The following ZBBX variants were observed in gnomAD, a reference collection of about 807,000 sequenced individuals.
ZBBX encodes the protein zinc finger B-box domain-containing protein 1.
In ZBBX, 101 loss-of-function variants were observed where a neutral mutation model predicts 108.5. The ratio of observed to expected loss-of-function variants is 0.93; its 90% CI spans 0.79 to 1.10. The LOEUF is 1.10. Ranked by LOEUF, ZBBX falls within the 50% of genes least tolerant of loss-of-function variation. The probability of loss-of-function intolerance (pLI) is 0.00; values close to 1 mark genes in which losing one functional copy is unlikely to be tolerated. For missense variants in ZBBX, 1,009 were observed against 941.4 expected, an observed-to-expected ratio of 1.07 and a Z score of -0.94; for synonymous variants, 356 against 323.4, an observed-to-expected ratio of 1.10 and a Z score of -1.08.
intron 11 of ZBBX, among the ~76,000 whole-genome samples, chr3:167,323,667 T>C (rs1277263859): frequency 6.6e-6 from 1 of 152,144 alleles, no homozygotes; most frequent in East Asian, 1.9e-4. Context: ...GGCTACATTG[T>C]ATAAGAATGT....
chr3:167,246,772 TA>T (rs2108333398), intron 20 of ZBBX, among the ~76,000 whole-genome samples: 2 of 152,342 alleles, frequency 1.3e-5, no homozygotes, highest in African/African-American at 4.8e-5. Context: ...AAAGTGTCTT[TA>T]TAAGTAAGTT....
rs1732029509 is a variant in ZBBX at position 167,298,349 on chromosome 3, T to TGA, written c.1833_1834dup (p.His612LeufsTer4). On this transcript the variant is annotated frameshift_variant, in exon 18 of 22. Transcript: ENST00000675490. LOFTEE classifies it high-confidence loss of function. The stretch of plus-strand genomic sequence containing the variant: ...ACTGGAATTGTTGCATTCTAAACGA[T>TGA]GAGAAGGAAGTAAGTTGAGTCTTTC... The TGA allele has an allele frequency of 4.4e-6, 7 of 1,600,148 alleles. No homozygotes were observed. The highest frequency in any genetic ancestry group is 6.0e-6 in the Non-Finnish European group (7 of 1,173,958).
intron 1 of ZBBX, among the ~76,000 whole-genome samples, chr3:167,396,324 C>A (rs959787345): frequency 2.0e-5 from 3 of 151,866 alleles, no homozygotes; most frequent in Admixed American, 6.6e-5. Context: ...AGTTGTAAGC[C>A]TGAGTGATTG....
At chr3:167,294,814 T>C (rs1731336836) in intron 18 of ZBBX, among the ~76,000 whole-genome samples, 1 of 152,068 alleles carries the variant, frequency 6.6e-6, no homozygotes, top group Non-Finnish European at 1.5e-5. Flanking sequence ...AGGGCTAATA[T>C]TCAGAATCTA....
intron 10 of ZBBX, among the ~76,000 whole-genome samples, chr3:167,329,709 G>T (rs1036927127): frequency 3.9e-5 from 6 of 152,164 alleles, no homozygotes; most frequent in Non-Finnish European, 8.8e-5. Flanking sequence ...AGTTTGCATT[G>T]ATGTAGCAAA....
chr3:167,337,271 A>G (rs910863827), intron 9 of ZBBX, among the ~76,000 whole-genome samples: 4 of 152,154 alleles, frequency 2.6e-5, no homozygotes, highest in Admixed American at 2.6e-4. Context: ...TAATTCGAAC[A>G]CTTTGTGAGG....
At position 167,331,606 on chromosome 3, in the gene ZBBX, G is replaced by T. The variant is rs942832082; in HGVS notation, c.687+2221C>A. On this transcript the variant is annotated intron_variant, in intron 10 of 21. Coordinates refer to ENST00000675490, the MANE Select transcript of ZBBX (RefSeq NM_001199201.2). ...TGTGGCAGGGTAGAAAAAGCTGGAG[G>T]GTTGTACATTAGCTCTTAAACGTTT... 5 of 985,234 alleles carry T rather than the reference G, an allele frequency of 5.1e-6. No homozygotes were observed. The East Asian group carries it at 4.5e-4, about 89-fold the overall frequency. 61.0% of individuals were successfully genotyped at this position (985,234 alleles called of 1,614,324 possible). A position where few individuals can be genotyped will look rare whatever the true frequency, so the allele number is the denominator to read the frequency against.
Position 167,267,870 on chromosome 3 carries a change from C to G in ZBBX, c.2254+14368G>C, listed in dbSNP as rs972322995. On this transcript the variant is annotated intron_variant, in intron 20 of 21. Transcript: ENST00000675490. The stretch of plus-strand genomic sequence containing the variant: ...TGGGATCCCCTAGACCACCTTCCCC[C>G]ACTCATTGCCCCCAATCCTTCCCCT... Among the ~76,000 whole-genome samples the G allele has an allele frequency of 3.3e-5, 5 of 152,134 alleles. No individual in the cohort carries two copies. In the South Asian group the frequency reaches 8.3e-4, roughly 25 times the overall value.
chr3:167,238,592 C>T (rs1720326752), downstream of ZBBX, among the ~76,000 whole-genome samples: 1 of 152,028 alleles, frequency 6.6e-6, no homozygotes, highest in Non-Finnish European at 1.5e-5. Context: ...AACCATCAGT[C>T]TTGTATAAGA....
chr3:167,266,218 A>G (rs1004232035), intron 20 of ZBBX, among the ~76,000 whole-genome samples: 4 of 152,184 alleles, frequency 2.6e-5, no homozygotes, highest in Non-Finnish European at 5.9e-5. Flanking sequence ...TTGAAGGTAT[A>G]TTTGTAAAAA....
chr3:167,273,069 C>A (rs191250272), intron 20 of ZBBX, among the ~76,000 whole-genome samples: 47 of 152,248 alleles, frequency 3.1e-4, no homozygotes, highest in Non-Finnish European at 4.7e-4. Flanking sequence ...TTTTGAAATG[C>A]GTTTTATTAA....
Position 167,406,994 on chromosome 3 carries a change from G to A in ZBBX, c.-446+732C>T, listed in dbSNP as rs146891088. ...TCCTGACATAAGAACCAGGAGAACA[G>A]TCTGTTGTTTGGGAAGACTGACTCA... On this transcript the variant is annotated intron_variant, in intron 1 of 21. Coordinates refer to the ZBBX transcript ENST00000455345. Among the ~76,000 whole-genome samples, 796 of 152,304 alleles carry A rather than the reference G, an allele frequency of 5.2e-3. 5 individuals are homozygous for A. The highest frequency in any genetic ancestry group is 0.018 in the African/African-American group (755 of 41,572).
chr3:167,326,788 T>A (rs2108353893), intron 11 of ZBBX, among the ~76,000 whole-genome samples: 1 of 152,088 alleles, frequency 6.6e-6, no homozygotes, highest in South Asian at 2.1e-4. Flanking sequence ...GAAAAATACT[T>A]GAAGAAAATT....
chr3:167,366,749 A>AG, intron 5 of ZBBX: 1 of 440,860 alleles, frequency 2.3e-6, no homozygotes, highest in Non-Finnish European at 4.5e-6. Context: ...AGAATCATCT[A>AG]GAAAAGCTTC....
Position 167,333,903 on chromosome 3 carries a change from T to G in ZBBX, c.611A>C (p.Glu204Ala). 6.2e-7 allele frequency: 1 copy of G among 1,612,820 alleles called. No individual in the cohort carries two copies. Among genetic ancestry groups the G allele is most frequent in the Non-Finnish European group, 8.5e-7 (1 of 1,179,294 alleles). The change falls in exon 10 of 22, where the codon GAG (glutamate) becomes GCG (alanine). Residue 204 changes from glutamate to alanine, a missense_variant. Transcript: ENST00000675490. ...ACTGGTTTCCTTTGTAGAATTATTC[T>G]CCTCTTTGGGTTCATCTGGATTAAC... The part of the protein sequence containing the change: ...KDVNPDEPKE[E>A]NNSTKETSKI...
intron 17 of ZBBX, among the ~76,000 whole-genome samples, chr3:167,303,589 C>G (rs895972111): frequency 6.6e-6 from 1 of 152,020 alleles, no homozygotes; most frequent in Non-Finnish European, 1.5e-5. Flanking sequence ...ACTAAATTAC[C>G]TGAATTTTTC....
intron 16 of ZBBX, among the ~76,000 whole-genome samples, chr3:167,306,415 C>T (rs1042246412): frequency 6.6e-6 from 1 of 152,144 alleles, no homozygotes; most frequent in Non-Finnish European, 1.5e-5. Flanking sequence ...CAGTTGGGGG[C>T]ACAGAAAATG....
At chr3:167,183,511 G>A in the ZBBX span, among the ~76,000 whole-genome samples, 1 of 152,234 alleles carries the variant, frequency 6.6e-6, no homozygotes, top group South Asian at 2.1e-4. Context: ...TGCGGAGTGG[G>A]AATCAGGGGG....
At chr3:167,332,290 A>AAC (rs58297167) in intron 10 of ZBBX, among the ~76,000 whole-genome samples, 56,651 of 148,712 alleles carry the variant, frequency 0.38, 10,889 homozygotes, top group East Asian at 0.66. Flanking sequence ...CACACACACA[A>AAC]ACACACACAC....
Sources: allele counts gnomAD v4.1 joint callset (sites outside exome capture counted in the v4.1 genomes callset), GRCh38; gene constraint gnomAD v4.1.1; transcripts MANE v1.5; gene names NCBI Gene and HGNC (gene_info 2026-07-23, HGNC 2026-07-21).